Variants in KMT2D observed in about 807,000 individuals in gnomAD.
KMT2D encodes histone-lysine N-methyltransferase 2D.
In KMT2D, 55 loss-of-function variants were observed where a neutral mutation model predicts 512.7. That is an observed-to-expected ratio of 0.11 (90% CI 0.09 to 0.13). The LOEUF (loss-of-function observed/expected upper bound fraction) is 0.13. Ranked by LOEUF, KMT2D falls within the 10% of genes least tolerant of loss-of-function variation. The probability of loss-of-function intolerance (pLI) is 1.00; values close to 1 mark genes in which losing one functional copy is unlikely to be tolerated. For missense variants in KMT2D, 6,061 were observed against 7,127.9 expected, an observed-to-expected ratio of 0.85 and a Z score of 5.39; for synonymous variants, 2,995 against 2,904.0, an observed-to-expected ratio of 1.03 and a Z score of -1.01.
intron 7 of KMT2D, 67 bp from the exon 8 acceptor site, chr12:49,053,388 C>T (rs929859464): frequency 4.4e-6 from 7 of 1,606,600 alleles, no homozygotes; most frequent in African/African-American, 4.0e-5. Flanking sequence ...TTGTTGTTTT[C>T]ATGTTAACAG....
Position 49,053,984 on chromosome 12 carries a change from A to G in KMT2D, c.667T>C (p.Tyr223His), listed in dbSNP as rs1474705941. Residue 223 changes from tyrosine (Y) to histidine (H), a missense_variant, in exon 6 of 55, where the codon TAT becomes CAT. Tyr to His is a moderately conservative substitution (Grantham distance 83). Around this residue, in one of 16 missense-constraint regions of KMT2D, gnomAD observed 160 missense variants for 225.8 expected, o/e 0.71. Coordinates refer to ENST00000301067, the MANE Select transcript of KMT2D (RefSeq NM_003482.4). ...LCPEHSEGAA[Y>H]LEEARCAVCE... ...AAAGATCAGGACTTCTCACCCAGAT[A>G]TGCAGCCCCCTCACTGTGCTCTGGG... The G allele has an allele frequency of 6.2e-7, 1 of 1,613,378 alleles. No homozygotes were observed. Among genetic ancestry groups the G allele is most frequent in the Non-Finnish European group, 8.5e-7 (1 of 1,179,626 alleles).
rs890974614 is a variant in KMT2D, at chr12:49,019,300, T to C, written c.*2480A>G. On this transcript the variant is annotated 3_prime_UTR_variant, in exon 55 of 55. Transcript: ENST00000301067. ...GGTCCTGGAGGTGAGGGGAGAAGAC[T>C]GTAAAGGGGAAAACTGAAAACTGAG... is the stretch of plus-strand genomic sequence containing the variant. 2.6e-6 allele frequency: 1 copy of C among 380,316 alleles called. No homozygotes were observed. Among genetic ancestry groups the C allele is most frequent in the African/African-American group, 2.5e-5 (1 of 39,552 alleles). 23.6% of individuals were successfully genotyped at this position (380,316 alleles called of 1,614,324 possible).
Position 49,026,117 on chromosome 12 carries a change from TA to T in KMT2D, c.15784+64del. The T allele has an allele frequency of 6.9e-7, 1 of 1,451,450 alleles. No individual in the cohort carries two copies. Among genetic ancestry groups the T allele is most frequent in the Non-Finnish European group, 9.3e-7 (1 of 1,075,020 alleles). 89.9% of individuals were successfully genotyped at this position (1,451,450 alleles called of 1,614,324 possible). ...GCTACAGGTCCTCTTATAGACATTG[TA>T]ACAGTGACCCTGGGAGAAACTTTTC... is the stretch of plus-strand genomic sequence containing the variant. On this transcript the variant is annotated intron_variant, in intron 49 of 54. Coordinates refer to ENST00000301067, the MANE Select transcript of KMT2D (RefSeq NM_003482.4). This position sits in a 1 kb window ranked among gnomAD's most constrained non-coding sequence, Gnocchi z 9.6.
At position 49,051,273 on chromosome 12, in the gene KMT2D, A is replaced by ATTCCTCAGGCTGAGGGGACAGATGTGG. The variant is rs752597307; in HGVS notation, c.2383_2409dup (p.Pro795_Glu803dup). The ATTCCTCAGGCTGAGGGGACAGATGTGG allele has an allele frequency of 7.4e-6, 11 of 1,493,126 alleles. No homozygotes were observed. The African/African-American group carries it at 1.3e-4, about 17-fold the overall frequency. 92.5% of individuals were successfully genotyped at this position (1,493,126 alleles called of 1,614,324 possible). A position where few individuals can be genotyped will look rare whatever the true frequency, so the allele number is the denominator to read the frequency against. On this transcript the variant is annotated inframe_insertion, in exon 11 of 55. Coordinates refer to ENST00000301067, the MANE Select transcript of KMT2D (RefSeq NM_003482.4). Reference sequence around the variant, plus strand: ...TCCTCAGTCTGGGGGGACAGGTGCAATTCCTCAGGCTGAGGGGACAGATGT... The same window carrying ATTCCTCAGGCTGAGGGGACAGATGTGG: ...TCCTCAGTCTGGGGGGACAGGTGCAATTCCTCAGGCTGAGGGGACAGATGTGGTTCCTCAGGCTGAGGGGACAGATGT...
chr12:49,034,154 T>A lies in KMT2D; in HGVS notation c.10653A>T (p.Lys3551Asn). The change falls in exon 39 of 55, where the codon AAA (lysine) becomes AAT (asparagine). Residue 3551 changes from lysine to asparagine, a missense_variant. Lys to Asn is a moderately conservative substitution (Grantham distance 94). Transcript: ENST00000301067. The stretch of plus-strand genomic sequence containing the variant: ...CAGCTTCTGGGAACTCACGGCCAGC[T>A]TTTTTGGCAGTGCGCTGCTTGGCAC... ...ALCAKQRTAK[K>N]AGREFPEADA... 1 of 1,612,946 alleles carries A rather than the reference T, an allele frequency of 6.2e-7. No individual in the cohort carries two copies. Among genetic ancestry groups the A allele is most frequent in the Non-Finnish European group, 8.5e-7 (1 of 1,179,734 alleles).
At position 49,042,336 on chromosome 12, in the gene KMT2D, G is replaced by A; in HGVS notation, c.5868-6C>T. On this transcript the variant is annotated splice_polypyrimidine_tract_variant and splice_region_variant and intron_variant, in intron 28 of 54. Transcript: ENST00000301067. This position sits in a 1 kb window ranked among gnomAD's most constrained non-coding sequence, Gnocchi z 4.4. ...TAAAGAAGCCCCCGCGCTCCCTGGG[G>A]CGCAGGGGCAGAGAGTCACAGGGCG... 1 of 1,520,936 alleles carries A rather than the reference G, an allele frequency of 6.6e-7. No homozygotes were observed. The highest frequency in any genetic ancestry group is 8.8e-7 in the Non-Finnish European group (1 of 1,133,688). The allele number at this position is 1,520,936 out of a possible 1,614,324, so 94.2% of individuals were successfully genotyped here.
chr12:49,058,047 C>T (rs1938515517), intron 1 of KMT2D, among the ~76,000 whole-genome samples: 1 of 152,216 alleles, frequency 6.6e-6, no homozygotes, highest in South Asian at 2.1e-4. Flanking sequence ...AAGTGTAAGG[C>T]TGAAGCAGGC....
At position 49,041,596 on chromosome 12, in the gene KMT2D, C is replaced by G; in HGVS notation, c.6234+59G>C. ...GCTGCAGGCAGGCCCCATGGCCCTCCACCCTCAAGAGAGGCCACCCACTAG... is the reference window on the plus strand; with the variant it reads ...GCTGCAGGCAGGCCCCATGGCCCTCGACCCTCAAGAGAGGCCACCCACTAG... On this transcript the variant is annotated intron_variant, in intron 31 of 54. Coordinates refer to ENST00000301067, the MANE Select transcript of KMT2D (RefSeq NM_003482.4). The surrounding 1 kb of genome is among the most constrained non-coding windows in gnomAD (Gnocchi z 5.4). The G allele has an allele frequency of 6.2e-7, 1 of 1,612,676 alleles. No homozygotes were observed. Among genetic ancestry groups the G allele is most frequent in the South Asian group, 1.1e-5 (1 of 90,954 alleles).
intron 6 of KMT2D, 119 bp downstream of exon 6, chr12:49,053,859 T>C (rs1938236910): frequency 8.2e-7 from 1 of 1,215,618 alleles, no homozygotes; most frequent in Non-Finnish European, 1.1e-6. Flanking sequence ...ACACCTATTT[T>C]AGTGGGGCAG....
Position 49,020,965 on chromosome 12 carries a change from G to A in KMT2D, c.*815C>T, listed in dbSNP as rs192035980. 1.3e-3 allele frequency: 256 copies of A among 195,160 alleles called. 4 individuals are homozygous for A. In the Admixed American group the frequency reaches 0.014, roughly 11 times the overall value. The allele number at this position is 195,160 out of a possible 1,614,324, so 12.1% of individuals were successfully genotyped here. On this transcript the variant is annotated 3_prime_UTR_variant, in exon 55 of 55. Transcript: ENST00000301067. Reference sequence around the variant, plus strand: ...TAAAAACAAAGATGGATTTTTTGTTGTTGTTTTTCTTCCTCCTCCTACCCC... The same window carrying A: ...TAAAAACAAAGATGGATTTTTTGTTATTGTTTTTCTTCCTCCTCCTACCCC...
chr12:49,021,890 C>T lies in KMT2D; in HGVS notation c.16522-18G>A. ...TAGGTTAGCTGAAAAGAGAAGAGGG[C>T]AGAATCAATGCTAGTCCCCCACAGG... On this transcript the variant is annotated intron_variant, in intron 54 of 54. Transcript: ENST00000301067. 1 of 1,606,968 alleles carries T rather than the reference C, an allele frequency of 6.2e-7. No individual in the cohort carries two copies. The highest frequency in any genetic ancestry group is 1.1e-5 in the South Asian group (1 of 90,898).
In KMT2D at chr12:49,019,170, C is replaced by A; in HGVS notation, c.*2610G>T. 3.6e-6 allele frequency: 4 copies of A among 1,116,090 alleles called. No homozygotes were observed. Among genetic ancestry groups the A allele is most frequent in the Non-Finnish European group, 4.4e-6 (4 of 907,976 alleles). 69.1% of individuals were successfully genotyped at this position (1,116,090 alleles called of 1,614,324 possible). ...CTTTAAAAAAGGGAACCATTTCATC[C>A]GTTGTTACGAAGGACCAACCTTGCT... On this transcript the variant is annotated 3_prime_UTR_variant, in exon 55 of 55. Transcript: ENST00000301067.
Position 49,041,567 on chromosome 12 carries a change from G to T in KMT2D, c.6235-32C>A, listed in dbSNP as rs371302554. ...GGGGAGACCAGGCATAGGGCAGTCA[G>T]GCTGCTGCAGGCAGGCCCCATGGCC... is the stretch of plus-strand genomic sequence containing the variant. On this transcript the variant is annotated intron_variant, in intron 31 of 54. Transcript: ENST00000301067. The surrounding 1 kb of genome is among the most constrained non-coding windows in gnomAD (Gnocchi z 5.4). The T allele has an allele frequency of 7.5e-5, 121 of 1,612,568 alleles. No homozygotes were observed. The highest frequency in any genetic ancestry group is 1.0e-4 in the Non-Finnish European group (118 of 1,179,268).
chr12:49,041,365 C>A lies in KMT2D; in HGVS notation c.6405G>T (p.Leu2135Phe), dbSNP rs2120545874. 1 of 1,584,762 alleles carries A rather than the reference C, an allele frequency of 6.3e-7. No homozygotes were observed. The highest frequency in any genetic ancestry group is 1.2e-5 in the South Asian group (1 of 86,192). ...TCAGGAACCCGTCCGCAGAGGTAGA[C>A]AAGCCGGCGGGGGTAGTGGGGCTGC... ...FIGSPTTPAG[L>F]STSADGFLKP... is the part of the protein sequence containing the mutation. The change falls in exon 32 of 55, where the codon TTG becomes TTT. Residue 2135 changes from leucine (L) to phenylalanine (F), a missense_variant. By Grantham distance (22) the Leu-to-Phe change is conservative. This residue lies in a region of KMT2D where 710 missense variants were observed against 647.3 expected (regional missense o/e 1.10). Transcript: ENST00000301067. The surrounding 1 kb of genome is among the most constrained non-coding windows in gnomAD (Gnocchi z 5.4).
Position 49,040,985 on chromosome 12 carries a change from C to T in KMT2D, c.6785G>A (p.Gly2262Glu), listed in dbSNP as rs2120539259. 6.2e-7 allele frequency: 1 copy of T among 1,604,808 alleles called. No individual in the cohort carries two copies. The highest frequency in any genetic ancestry group is 8.5e-7 in the Non-Finnish European group (1 of 1,174,770). The change falls in exon 32 of 55, where the codon GGG becomes GAG. Residue 2262 changes from glycine to glutamate, a missense_variant. Coordinates refer to ENST00000301067, the MANE Select transcript of KMT2D (RefSeq NM_003482.4). ...CTCGGAAGCTTTGCCTCCCCCTACC[C>T]CAGGGCTCTCAGGCACAGCCAAGTT... ...LDNLAVPESPGVGGGKASEPL... is the reference protein window; with the variant it reads ...LDNLAVPESPEVGGGKASEPL...
In KMT2D at chr12:49,041,414, G is replaced by T; in HGVS notation, c.6356C>A (p.Ala2119Asp). The change falls in exon 32 of 55, where the codon GCT becomes GAT. Residue 2119 changes from alanine (A) to aspartate (D), a missense_variant. Physicochemically the swap from Ala to Asp is moderately radical, Grantham distance 126 (BLOSUM62 -2). Coordinates refer to ENST00000301067, the MANE Select transcript of KMT2D (RefSeq NM_003482.4). The surrounding 1 kb of genome is among the most constrained non-coding windows in gnomAD (Gnocchi z 5.4). Reference protein sequence around the residue: ...QPGALGSPPPAAAPTIFIGSP... With the variant: ...QPGALGSPPPDAAPTIFIGSP... ...GCCAATGAAAATGGTGGGGGCAGCAGCGGGGGGCGGGCTGCCCAGTGCCCC... is the reference window on the plus strand; with the variant it reads ...GCCAATGAAAATGGTGGGGGCAGCATCGGGGGGCGGGCTGCCCAGTGCCCC... The T allele has an allele frequency of 6.2e-7, 1 of 1,606,632 alleles. No homozygotes were observed. Among genetic ancestry groups the T allele is most frequent in the Non-Finnish European group, 8.5e-7 (1 of 1,174,512 alleles).
chr12:49,055,552 G>C (rs140009821), intron 1 of KMT2D, among the ~76,000 whole-genome samples, 191 bp from the exon 2 acceptor site: 1 of 152,236 alleles, frequency 6.6e-6, no homozygotes, highest in East Asian at 1.9e-4. Flanking sequence ...AAACACATAC[G>C]CTCTTCTCAC....
At position 49,049,700 on chromosome 12, in the gene KMT2D, G is replaced by A. The variant is rs988352935; in HGVS notation, c.3888C>T (p.Ala1296=). 4 of 1,593,494 alleles carry A rather than the reference G, an allele frequency of 2.5e-6. No individual in the cohort carries two copies. Among genetic ancestry groups the A allele is most frequent in the Admixed American group, 3.4e-5 (2 of 59,156 alleles). The change falls in exon 12 of 55, where the codon GCC becomes GCT. Residue 1296 remains alanine (A), a synonymous_variant. Transcript: ENST00000301067. ...GEKGRRRSSP[A]RSRIKQGRSS... is the part of the protein sequence containing the mutation. ...CCCTCACCTGTTTGATGCGGGAACG[G>A]GCTGGGGAGCTGCGCCGCCGCCCCT... is the stretch of plus-strand genomic sequence containing the variant.
At chr12:49,025,684 T>C (rs939570117) in intron 49 of KMT2D, among the ~76,000 whole-genome samples, 1 of 152,232 alleles carries the variant, frequency 6.6e-6, no homozygotes, top group African/African-American at 2.4e-5. Context: ...ATAATCGTAG[T>C]ATAATACTTA....
Sources: gnomAD v4.1 joint callset for allele counts (sites outside exome capture counted in the v4.1 genomes callset) on GRCh38, gnomAD v4.1.1 for gene constraint, gnomAD v4.1.1 regional missense constraint, Gnocchi (gnomAD v3.1) non-coding constraint, MANE v1.5 for transcripts, NCBI Gene and HGNC (gene_info 2026-07-23, HGNC 2026-07-21) for gene names.